The following TRPM2 variants were observed in gnomAD, a reference collection of about 807,000 sequenced individuals.
The protein encoded by TRPM2 is transient receptor potential cation channel subfamily M member 2, also known as estrogen-responsive element-associated gene 1 protein.
A neutral mutation model predicts 174.0 loss-of-function variants in TRPM2; 161 were observed. The observed-to-expected ratio is 0.93, with a 90% CI of 0.81 to 1.05. TRPM2 has a LOEUF of 1.05. Among genes scored for constraint, TRPM2 ranks in the 50% least tolerant of loss-of-function variants. The pLI is 0.00. For synonymous variants in TRPM2, 954 were observed against 861.3 expected (o/e 1.11, Z -1.88); for missense variants, 2,057 against 2,038.0 (o/e 1.01, Z -0.18).
chr21:44,435,328 C>T (rs934176294), intron 28 of TRPM2, 111 bp downstream of exon 28: 1 of 1,163,118 alleles, frequency 8.6e-7, no homozygotes, highest in Non-Finnish European at 1.2e-6. Context: ...GGCTTTGATG[C>T]TTGGCACTTG....
intron 31 of TRPM2, among the ~76,000 whole-genome samples, 155 bp from the exon 32 acceptor site, chr21:44,441,537 C>G (rs775733927): frequency 6.6e-6 from 1 of 152,208 alleles, no homozygotes; most frequent in Non-Finnish European, 1.5e-5. Context: ...GGGTGCATCT[C>G]TGGTGCACCT....
chr21:44,441,037 C>T lies in TRPM2; in HGVS notation c.4386+132C>T, dbSNP rs528033113. 93 of 753,202 alleles carry T rather than the reference C, an allele frequency of 1.2e-4. No homozygotes were observed. In the African/African-American group the frequency reaches 1.3e-3, roughly 11 times the overall value. The allele number at this position is 753,202 out of a possible 1,614,324, so 46.7% of individuals were successfully genotyped here. The stretch of plus-strand genomic sequence containing the variant: ...CTGAACTCTGTATGGGCGTGGCCTC[C>T]GGGGAGAGGGAAGGCGGGGACCGGG... On this transcript the variant is annotated intron_variant, in intron 31 of 31. Transcript: ENST00000397928.
chr21:44,394,125 T>G (rs2049265317), intron 11 of TRPM2, among the ~76,000 whole-genome samples: 1 of 152,084 alleles, frequency 6.6e-6, no homozygotes, highest in Non-Finnish European at 1.5e-5. Context: ...CATCTTGGCC[T>G]CCCAAAGTGC....
chr21:44,406,530 G>T (rs1173076448), intron 18 of TRPM2, 64 bp from the exon 19 acceptor site: 1 of 1,528,096 alleles, frequency 6.5e-7, no homozygotes, highest in Non-Finnish European at 8.8e-7. Flanking sequence ...TGCTGGGCCT[G>T]CCTCTGGGCC....
intron 29 of TRPM2, among the ~76,000 whole-genome samples, chr21:44,437,582 G>A (rs2051326588): frequency 6.6e-6 from 1 of 152,186 alleles, no homozygotes; most frequent in South Asian, 2.1e-4. Flanking sequence ...GTGTCATCCA[G>A]GGGTAGGGGC....
At chr21:44,405,644 G>C (rs1325488440) in intron 17 of TRPM2, among the ~76,000 whole-genome samples, 1 of 152,166 alleles carries the variant, frequency 6.6e-6, no homozygotes, top group Non-Finnish European at 1.5e-5. Context: ...TTTCTCGGAG[G>C]CAATAGGGCC....
At chr21:44,409,001 TGTCTTTTATATTATTGAGTC>T (rs923117670) in intron 19 of TRPM2, among the ~76,000 whole-genome samples, 10 of 152,268 alleles carry the variant, frequency 6.6e-5, no homozygotes, top group South Asian at 6.2e-4. Flanking sequence ...ATTATTGAGT[TGTCTTTTATATTATTGAGTC>T]GTAAGAGTTC....
chr21:44,437,204 C>G (rs1044561159), intron 29 of TRPM2, 37 bp downstream of exon 29: 1 of 1,517,274 alleles, frequency 6.6e-7, no homozygotes, highest in Non-Finnish European at 8.9e-7. Flanking sequence ...GTCCACTGGG[C>G]TGTCTGTGGG....
intron 27 of TRPM2, among the ~76,000 whole-genome samples, chr21:44,428,098 G>A (rs1305041613): frequency 2.0e-5 from 3 of 152,106 alleles, no homozygotes; most frequent in African/African-American, 4.8e-5. Context: ...GTGCAGAAGA[G>A]CACTTTCTGT....
chr21:44,418,969 G>A (rs1009880582), intron 22 of TRPM2, among the ~76,000 whole-genome samples: 22 of 152,158 alleles, frequency 1.4e-4, no homozygotes, highest in African/African-American at 4.8e-4. Flanking sequence ...CCCAGCCCTC[G>A]GGGTCAGCCA....
chr21:44,425,680 G>A lies in TRPM2; in HGVS notation c.3648G>A (p.Lys1216=), dbSNP rs765373301. Residue 1216 remains lysine, a synonymous_variant, in exon 25 of 32, where the codon AAG becomes AAA. Coordinates refer to ENST00000397928, the MANE Select transcript of TRPM2 (RefSeq NM_003307.4). ...CCTGACTGTCCCCAGCCTCCCAGAA[G>A]GCCGCGGAGGAGCCGGATGCTGAGC... ...EADVPTLASQ[K]AAEEPDAEPG... The A allele has an allele frequency of 6.6e-7, 1 of 1,525,544 alleles. No individual in the cohort carries two copies. Among genetic ancestry groups the A allele is most frequent in the Admixed American group, 2.0e-5 (1 of 49,568 alleles). The allele number at this position is 1,525,544 out of a possible 1,614,324, so 94.5% of individuals were successfully genotyped here. A position where few individuals can be genotyped will look rare whatever the true frequency, so the allele number is the denominator to read the frequency against.
At chr21:44,400,452 A>T in intron 15 of TRPM2, 81 bp downstream of exon 15, 1 of 1,229,214 alleles carries the variant, frequency 8.1e-7, no homozygotes, top group Non-Finnish European at 1.1e-6. Context: ...GATCTTCCCT[A>T]GATCCCCTCG....
rs151101670 is a variant in TRPM2, at chr21:44,418,522, G to A, written c.3428G>A (p.Arg1143Gln). ...AACCGACAGTTCCAGCAAAAGCAGC[G>A]GCCCGAGCAGAAGATCGAGGACATC... ...LQNRQFQQKQ[R>Q]PEQKIEDISN... Residue 1143 changes from arginine to glutamine, a missense_variant, in exon 22 of 32, where the codon CGG (arginine) becomes CAG (glutamine). Coordinates refer to ENST00000397928, the MANE Select transcript of TRPM2 (RefSeq NM_003307.4). 1.5e-4 allele frequency: 241 copies of A among 1,613,984 alleles called. No homozygotes were observed. Among genetic ancestry groups the A allele is most frequent in the Non-Finnish European group, 1.8e-4 (215 of 1,180,028 alleles).
At chr21:44,370,416 C>A (rs2048500814) in intron 5 of TRPM2, among the ~76,000 whole-genome samples, 1 of 152,194 alleles carries the variant, frequency 6.6e-6, no homozygotes, top group Non-Finnish European at 1.5e-5. Flanking sequence ...GAAGCAGTTG[C>A]TTTAATCCGG....
Position 44,391,705 on chromosome 21 carries a change from A to T in TRPM2, c.1794+80A>T. 1 of 1,287,044 alleles carries T rather than the reference A, an allele frequency of 7.8e-7. No individual in the cohort carries two copies. Among genetic ancestry groups the T allele is most frequent in the Non-Finnish European group, 1.0e-6 (1 of 960,380 alleles). 79.7% of individuals were successfully genotyped at this position (1,287,044 alleles called of 1,614,324 possible). ...GTTCTTAGAGCTCTCTGTTTTTAAAATTAGCTTTTATTTTTATTAGAAAAG... is the reference window on the plus strand; with the variant it reads ...GTTCTTAGAGCTCTCTGTTTTTAAATTTAGCTTTTATTTTTATTAGAAAAG... On this transcript the variant is annotated intron_variant, in intron 11 of 31. Coordinates refer to ENST00000397928, the MANE Select transcript of TRPM2 (RefSeq NM_003307.4). The surrounding 1 kb of genome is among the most constrained non-coding windows in gnomAD (Gnocchi z 5.0).
chr21:44,418,229 C>T, intron 21 of TRPM2, 121 bp downstream of exon 21: 1 of 1,415,286 alleles, frequency 7.1e-7, no homozygotes, highest in African/African-American at 1.4e-5. Context: ...GTCACTCAGG[C>T]TGCTGGCCTT....
intron 8 of TRPM2, among the ~76,000 whole-genome samples, 195 bp from the exon 9 acceptor site, chr21:44,382,523 G>C (rs898522798): frequency 6.6e-6 from 1 of 152,112 alleles, no homozygotes; most frequent in Non-Finnish European, 1.5e-5. Flanking sequence ...AGACTCTCAC[G>C]AACATGATGT....
intron 2 of TRPM2, among the ~76,000 whole-genome samples, chr21:44,356,197 G>GTT (rs150208447): frequency 1.9e-3 from 259 of 137,876 alleles, no homozygotes; most frequent in African/African-American, 6.2e-3. Context: ...ATTTTTAATT[G>GTT]TTTTTTTTTT....
chr21:44,360,652 C>T (rs1327910931), intron 2 of TRPM2, among the ~76,000 whole-genome samples: 2 of 151,554 alleles, frequency 1.3e-5, no homozygotes, highest in African/African-American at 4.9e-5. Context: ...CTGCAATCTC[C>T]GCCTCCTGGG....
Sources: allele counts gnomAD v4.1 joint callset (sites outside exome capture counted in the v4.1 genomes callset), GRCh38; gene constraint gnomAD v4.1.1; non-coding constraint Gnocchi (gnomAD v3.1); transcripts MANE v1.5; gene names NCBI Gene and HGNC (gene_info 2026-07-23, HGNC 2026-07-21).